Variants in NOL4 observed in about 807,000 individuals in gnomAD.
NOL4 encodes nucleolar protein 4.
NOL4 carries 17 observed loss-of-function variants against 75.9 expected under a neutral mutation model. The observed-to-expected ratio is 0.22, with a 90% confidence interval of 0.15 to 0.34. NOL4 has a LOEUF of 0.34. NOL4 is among the 10% of genes least tolerant of loss of function. The pLI, the probability that NOL4 is intolerant of heterozygous loss-of-function variation, is 1.00. For missense variants in NOL4, 614 were observed against 793.5 expected, an observed-to-expected ratio of 0.77 and a Z score of 2.72; for synonymous variants, 292 against 289.9, an observed-to-expected ratio of 1.01 and a Z score of -0.07.
At chr18:34,114,040 C>A (rs2079734027) in intron 2 of NOL4, among the ~76,000 whole-genome samples, 2 of 152,104 alleles carry the variant, frequency 1.3e-5, no homozygotes, top group Non-Finnish European at 2.9e-5. Flanking sequence ...CTAGAAGGAA[C>A]AGAAATTTAA....
chr18:34,108,146 G>C (rs1290477236), intron 2 of NOL4, among the ~76,000 whole-genome samples: 1 of 152,074 alleles, frequency 6.6e-6, no homozygotes, highest in Non-Finnish European at 1.5e-5. Context: ...AAAATAGTTT[G>C]TTATAAGTTA....
At chr18:33,922,990 C>T (rs139568895) in intron 9 of NOL4, among the ~76,000 whole-genome samples, 23 of 152,002 alleles carry the variant, frequency 1.5e-4, no homozygotes, top group Non-Finnish European at 1.9e-4. Flanking sequence ...ATTCATTTTC[C>T]ACAAGCTTTA....
At chr18:34,091,213 AT>A in intron 5 of NOL4, among the ~76,000 whole-genome samples, 2 of 129,834 alleles carry the variant, frequency 1.5e-5, no homozygotes, top group South Asian at 2.5e-4. Flanking sequence ...AAAAAAAAAA[AT>A]TAGCTGGGTG....
intron 10 of NOL4, among the ~76,000 whole-genome samples, chr18:33,862,871 C>G (rs1458585358): frequency 6.6e-6 from 1 of 152,176 alleles, no homozygotes; most frequent in African/African-American, 2.4e-5. Context: ...GGTGATTCCT[C>G]AGGGATCTAG....
intron 1 of NOL4, among the ~76,000 whole-genome samples, chr18:34,159,272 G>A (rs2031036612): frequency 6.6e-6 from 1 of 152,164 alleles, no homozygotes; most frequent in Non-Finnish European, 1.5e-5. Context: ...CCCAACCCGC[G>A]ACCCTCCGCC....
chr18:34,161,456 G>A (rs1442623270), intron 1 of NOL4, among the ~76,000 whole-genome samples: 2 of 152,084 alleles, frequency 1.3e-5, no homozygotes, highest in African/African-American at 2.4e-5. Flanking sequence ...AATTTTGCAA[G>A]AAATAAACAC....
chr18:34,095,655 A>G (rs910788770), intron 4 of NOL4, among the ~76,000 whole-genome samples: 1 of 152,184 alleles, frequency 6.6e-6, no homozygotes, highest in Non-Finnish European at 1.5e-5. Flanking sequence ...TATCTAGAAC[A>G]ATGTCAGGTA....
At chr18:33,863,164 C>T (rs932432514) in intron 10 of NOL4, among the ~76,000 whole-genome samples, 5 of 151,868 alleles carry the variant, frequency 3.3e-5, no homozygotes, top group African/African-American at 4.8e-5. Context: ...AGTAAACTAT[C>T]GCAAGAACAA....
At chr18:34,047,291 T>G (rs1048653588) in intron 5 of NOL4, among the ~76,000 whole-genome samples, 1 of 152,152 alleles carries the variant, frequency 6.6e-6, no homozygotes, top group African/African-American at 2.4e-5. Context: ...TGATAATAGC[T>G]ATATTTAGCG....
rs1555696185 is a variant in NOL4, at chr18:34,024,194, AATATAT to A, written c.773-4599_773-4594del. Among the ~76,000 whole-genome samples the A allele has an allele frequency of 5.7e-5, 4 of 70,698 alleles. 1 individual carries two copies. Among genetic ancestry groups the A allele is most frequent in the Non-Finnish European group, 1.3e-4 (4 of 31,774 alleles). The allele number at this position is 70,698 out of a possible 152,430, so 46.4% of individuals were successfully genotyped here. ...CAAAATAAACAGGAAAAAAAAAAAA[AATATAT>A]ATATATATATATATAAAATCCTCAT... is the stretch of plus-strand genomic sequence containing the variant. On this transcript the variant is annotated intron_variant, in intron 5 of 10. Transcript: ENST00000261592.
intron 10 of NOL4, among the ~76,000 whole-genome samples, chr18:33,877,114 TGCCA>T (rs2063973016): frequency 6.6e-6 from 1 of 152,062 alleles, no homozygotes; most frequent in Non-Finnish European, 1.5e-5. Flanking sequence ...ATTTTCTGCA[TGCCA>T]TACTGATTAA....
intron 9 of NOL4, among the ~76,000 whole-genome samples, chr18:33,904,420 A>T (rs1254244089): frequency 1.3e-5 from 2 of 151,878 alleles, no homozygotes; most frequent in Middle Eastern, 3.4e-3. Context: ...AACCTTAAAA[A>T]CTTAGTTCCC....
chr18:34,163,263 A>G (rs1026800801), intron 1 of NOL4, among the ~76,000 whole-genome samples: 1 of 152,084 alleles, frequency 6.6e-6, no homozygotes, highest in Non-Finnish European at 1.5e-5. Flanking sequence ...GGCGAAGGAA[A>G]TAAAGGGTAT....
At chr18:33,860,618 C>T (rs1048259804) in intron 10 of NOL4, among the ~76,000 whole-genome samples, 1 of 151,920 alleles carries the variant, frequency 6.6e-6, no homozygotes, top group African/African-American at 2.4e-5. Flanking sequence ...AATTGAATAC[C>T]CTTTATTTCC....
chr18:34,099,294 C>T (rs193288964), intron 4 of NOL4, among the ~76,000 whole-genome samples: 2,073 of 145,078 alleles, frequency 0.014, 59 homozygotes, highest in East Asian at 0.091. Context: ...ACCCTTGAGG[C>T]GGAGGTTGCA....
intron 6 of NOL4, among the ~76,000 whole-genome samples, chr18:33,992,592 T>A (rs1355322648): frequency 6.6e-6 from 1 of 151,970 alleles, no homozygotes; most frequent in Non-Finnish European, 1.5e-5. Flanking sequence ...GACAGAAACT[T>A]CACTCTACAC....
intron 7 of NOL4, among the ~76,000 whole-genome samples, chr18:33,957,898 ACT>A (rs1227016598): frequency 1.8e-4 from 27 of 151,936 alleles, no homozygotes; most frequent in Admixed American, 1.7e-3. Flanking sequence ...CAAACAACTG[ACT>A]CTTTTGTCAT....
At chr18:34,123,685 AATAG>A (rs1383162940) in intron 2 of NOL4, among the ~76,000 whole-genome samples, 5 of 148,370 alleles carry the variant, frequency 3.4e-5, no homozygotes, top group African/African-American at 4.9e-5. Flanking sequence ...CTATATATCT[AATAG>A]ATATATATGT....
chr18:34,035,732 A>G (rs976842148), intron 5 of NOL4, among the ~76,000 whole-genome samples: 7 of 152,024 alleles, frequency 4.6e-5, no homozygotes, highest in African/African-American at 1.7e-4. Context: ...TAATTATTAG[A>G]CTAACCAAGA....
Sources: allele counts gnomAD v4.1 joint callset (sites outside exome capture counted in the v4.1 genomes callset), GRCh38; gene constraint gnomAD v4.1.1; transcripts MANE v1.5; gene names NCBI Gene and HGNC (gene_info 2026-07-23, HGNC 2026-07-21).